The following CYTH1 variants were observed in gnomAD, a reference collection of about 807,000 sequenced individuals.
CYTH1 encodes the protein cytohesin-1.
A neutral mutation model predicts 61.8 loss-of-function variants in CYTH1; 18 were observed. The ratio of observed to expected loss-of-function variants is 0.29; its 90% CI spans 0.20 to 0.43. The LOEUF (loss-of-function observed/expected upper bound fraction) is 0.43. Among genes scored for constraint, CYTH1 ranks in the 20% least tolerant of loss-of-function variants. The pLI is 1.00. For synonymous variants in CYTH1, 174 were observed against 184.3 expected, an observed-to-expected ratio of 0.94 and a Z score of 0.45; for missense variants, 336 against 510.5, an observed-to-expected ratio of 0.66 and a Z score of 3.29.
chr17:78,755,198 CAG>C (rs1456620663), intron 1 of CYTH1, among the ~76,000 whole-genome samples: 6 of 152,154 alleles, frequency 3.9e-5, no homozygotes, highest in African/African-American at 1.4e-4. Context: ...TGTTTTGAGA[CAG>C]AGTCTAGCTC....
At chr17:78,708,375 A>G in intron 2 of CYTH1, 114 bp from the exon 3 acceptor site, 1 of 965,218 alleles carries the variant, frequency 1.0e-6, no homozygotes. Flanking sequence ...AAAATGAAAC[A>G]AAATATGACA....
chr17:78,736,296 G>A (rs1041737760), intron 1 of CYTH1, among the ~76,000 whole-genome samples: 1 of 152,078 alleles, frequency 6.6e-6, no homozygotes, highest in Non-Finnish European at 1.5e-5. Context: ...AGTATGAAGT[G>A]GAATCTACCA....
intron 1 of CYTH1, among the ~76,000 whole-genome samples, chr17:78,755,769 GGCATGGTGGT>G (rs1289816212): frequency 6.6e-6 from 1 of 151,782 alleles, no homozygotes; most frequent in Non-Finnish European, 1.5e-5. Context: ...CAATTAGCTG[GGCATGGTGGT>G]GCAAGCCTGT....
At chr17:78,685,999 T>C (rs2092812915) in intron 11 of CYTH1, among the ~76,000 whole-genome samples, 1 of 152,264 alleles carries the variant, frequency 6.6e-6, no homozygotes, top group Non-Finnish European at 1.5e-5. Flanking sequence ...AACAGTTTCC[T>C]GAAATACGGT....
Position 78,686,305 on chromosome 17 carries a change from T to A in CYTH1, c.892-5263A>T, listed in dbSNP as rs140340241. On this transcript the variant is annotated intron_variant, in intron 11 of 13. Transcript: ENST00000446868. Reference sequence around the variant, plus strand: ...CTTACCTTTAAGAATAAATAAGTTATAATTCTATGATTATATATTAATGGT... The same window carrying A: ...CTTACCTTTAAGAATAAATAAGTTAAAATTCTATGATTATATATTAATGGT... Among the ~76,000 whole-genome samples the A allele has an allele frequency of 2.6e-3, 395 of 152,380 alleles. 2 individuals carry two copies. The highest frequency in any genetic ancestry group is 8.9e-3 in the African/African-American group (371 of 41,590).
chr17:78,680,922 A>G (rs757650337), intron 12 of CYTH1, 49 bp downstream of exon 12: 26 of 1,576,686 alleles, frequency 1.6e-5, no homozygotes, highest in Middle Eastern at 1.7e-4. Flanking sequence ...AAATCTTTGA[A>G]ATGCCCATCC....
At chr17:78,721,834 A>C (rs1014484226) in intron 1 of CYTH1, among the ~76,000 whole-genome samples, 4 of 152,186 alleles carry the variant, frequency 2.6e-5, no homozygotes, top group Non-Finnish European at 5.9e-5. Flanking sequence ...ACTTGAGGTA[A>C]GGAGTTCGAG....
intron 1 of CYTH1, among the ~76,000 whole-genome samples, chr17:78,760,517 GTA>G (rs755629315): frequency 0.072 from 2,133 of 29,602 alleles, 327 homozygotes; most frequent in African/African-American, 0.21. Context: ...GTATATATAT[GTA>G]TATATATATA....
intron 2 of CYTH1, among the ~76,000 whole-genome samples, chr17:78,708,531 A>G (rs1036905845): frequency 3.9e-5 from 6 of 152,252 alleles, no homozygotes; most frequent in Non-Finnish European, 8.8e-5. Flanking sequence ...AAAGTTTATA[A>G]GCATATATGC....
chr17:78,749,104 AT>A (rs2144665830), intron 1 of CYTH1, among the ~76,000 whole-genome samples: 1 of 152,252 alleles, frequency 6.6e-6, no homozygotes, highest in African/African-American at 2.4e-5. Context: ...CCTGTTATTG[AT>A]TTAAAAACAA....
chr17:78,709,038 T>C (rs1373129090), intron 2 of CYTH1: 1 of 152,344 alleles, frequency 6.6e-6, no homozygotes, highest in African/African-American at 2.4e-5. Context: ...ATAATCCAAC[T>C]ATTGGCTTCT....
At chr17:78,759,014 G>C (rs1255503799) in intron 1 of CYTH1, among the ~76,000 whole-genome samples, 1 of 151,608 alleles carries the variant, frequency 6.6e-6, no homozygotes, top group African/African-American at 2.4e-5. Context: ...GAGGTGGGAG[G>C]ATTGCTTAAG....
intron 10 of CYTH1, among the ~76,000 whole-genome samples, chr17:78,694,473 G>A (rs541213538): frequency 2.6e-5 from 4 of 152,244 alleles, no homozygotes; most frequent in African/African-American, 4.8e-5. Context: ...AGGAAAGCCC[G>A]GGCAGAATTA....
intron 10 of CYTH1, among the ~76,000 whole-genome samples, chr17:78,693,692 T>C (rs62075564): frequency 1.7e-4 from 25 of 150,256 alleles, no homozygotes; most frequent in Non-Finnish European, 2.5e-4. Flanking sequence ...GAGACAGACA[T>C]GAAGGAAGGA....
chr17:78,779,697 G>T (rs575299605), intron 1 of CYTH1, among the ~76,000 whole-genome samples: 6 of 152,298 alleles, frequency 3.9e-5, no homozygotes, highest in African/African-American at 1.4e-4. Context: ...TTTGAAGATG[G>T]AAAGGGGACT....
At chr17:78,781,622 G>C (rs891083816) in intron 1 of CYTH1, among the ~76,000 whole-genome samples, 2 of 152,082 alleles carry the variant, frequency 1.3e-5, no homozygotes, top group African/African-American at 4.8e-5. Flanking sequence ...CTCGCCGGCG[G>C]CGCCGCTCCC....
At chr17:78,685,730 T>C (rs544941087) in intron 11 of CYTH1, among the ~76,000 whole-genome samples, 2 of 152,220 alleles carry the variant, frequency 1.3e-5, no homozygotes, top group African/African-American at 4.8e-5. Context: ...GCAATTTTTT[T>C]TTCAAGAAGG....
intron 1 of CYTH1, among the ~76,000 whole-genome samples, chr17:78,732,730 C>A (rs1205805864): frequency 6.6e-6 from 1 of 152,160 alleles, no homozygotes; most frequent in African/African-American, 2.4e-5. Context: ...GGTCTTCCTG[C>A]AAACACCACA....
chr17:78,712,195 AAGAG>A (rs905980238), intron 1 of CYTH1, among the ~76,000 whole-genome samples: 11 of 149,796 alleles, frequency 7.3e-5, no homozygotes, highest in South Asian at 2.1e-4. Flanking sequence ...GAGAGAGAGA[AAGAG>A]AGAGAGAAAG....
Sources: gnomAD v4.1 joint callset for allele counts (sites outside exome capture counted in the v4.1 genomes callset) on GRCh38, gnomAD v4.1.1 for gene constraint, MANE v1.5 for transcripts, NCBI Gene and HGNC (gene_info 2026-07-23, HGNC 2026-07-21) for gene names.